FHIT: variants seen among roughly 807,000 people sequenced by gnomAD.
The protein encoded by FHIT is bis(5'-adenosyl)-triphosphatase.
FHIT carries 19 observed loss-of-function variants against 17.9 expected under a neutral mutation model. The observed-to-expected ratio is 1.06, with a 90% CI of 0.74 to 1.56. FHIT has a LOEUF of 1.56. FHIT is among the 40% of genes most tolerant of loss of function. The probability of loss-of-function intolerance (pLI) is 0.00; values close to 1 mark genes in which losing one functional copy is unlikely to be tolerated. For missense variants in FHIT, 248 were observed against 189.2 expected, an observed-to-expected ratio of 1.31 and a Z score of -1.82; for synonymous variants, 81 against 69.7, an observed-to-expected ratio of 1.16 and a Z score of -0.81.
chr3:60,523,811 G>A (rs2035468241), intron 5 of FHIT, among the ~76,000 whole-genome samples: 1 of 152,136 alleles, frequency 6.6e-6, no homozygotes, highest in Admixed American at 6.5e-5. Flanking sequence ...TATTTTTCAT[G>A]CTCAAACCAC....
At chr3:60,902,602 T>G (rs964014906) in intron 3 of FHIT, among the ~76,000 whole-genome samples, 1 of 152,196 alleles carries the variant, frequency 6.6e-6, no homozygotes, top group African/African-American at 2.4e-5. Flanking sequence ...GACAGAACTA[T>G]TGGTAAGAAG....
intron 4 of FHIT, among the ~76,000 whole-genome samples, chr3:60,613,473 G>A (rs544327260): frequency 5.9e-5 from 9 of 152,110 alleles, no homozygotes; most frequent in Non-Finnish European, 4.4e-5. Flanking sequence ...TCAGGGTTTA[G>A]CAAGTTAACA....
intron 7 of FHIT, among the ~76,000 whole-genome samples, chr3:59,986,761 TATATTTATATAA>T (rs1708975911): frequency 1.7e-5 from 1 of 59,188 alleles, no homozygotes; most frequent in African/African-American, 7.0e-5. Flanking sequence ...TATATATAAA[TATATTTATATAA>T]ATATATAAAT....
At chr3:60,018,803 C>G (rs541047818) in intron 5 of FHIT, among the ~76,000 whole-genome samples, 4 of 150,472 alleles carry the variant, frequency 2.7e-5, no homozygotes, top group Non-Finnish European at 5.9e-5. Context: ...CGTGGTGAAA[C>G]CCCATCTCTA....
At chr3:60,519,793 C>G (rs182354190) in intron 5 of FHIT, among the ~76,000 whole-genome samples, 97 of 152,126 alleles carry the variant, frequency 6.4e-4, no homozygotes, top group Admixed American at 1.5e-3. Flanking sequence ...CACTAGTGAC[C>G]CTTCATGTTA....
intron 3 of FHIT, among the ~76,000 whole-genome samples, chr3:61,008,410 G>A (rs564208003): frequency 1.3e-5 from 2 of 152,304 alleles, no homozygotes; most frequent in South Asian, 4.1e-4. Context: ...CTTCTTGGCA[G>A]GTGTCAGGCA....
chr3:60,862,754 A>C (rs186136813), intron 3 of FHIT, among the ~76,000 whole-genome samples: 21 of 151,940 alleles, frequency 1.4e-4, no homozygotes, highest in Admixed American at 2.0e-4. Context: ...TGGGAGGCTA[A>C]GGCAGCAGAA....
At chr3:60,256,021 G>A (rs1175941690) in intron 5 of FHIT, among the ~76,000 whole-genome samples, 1 of 152,112 alleles carries the variant, frequency 6.6e-6, no homozygotes. Flanking sequence ...GTATTATGGT[G>A]AAACCTGGAA....
intron 3 of FHIT, among the ~76,000 whole-genome samples, chr3:60,852,993 A>C (rs1703215071): frequency 6.6e-6 from 1 of 152,140 alleles, no homozygotes; most frequent in African/African-American, 2.4e-5. Flanking sequence ...TTATTTCATT[A>C]ATTTAATTGG....
At chr3:60,401,668 T>A (rs926549769) in intron 5 of FHIT, among the ~76,000 whole-genome samples, 4 of 152,144 alleles carry the variant, frequency 2.6e-5, no homozygotes, top group African/African-American at 7.2e-5. Flanking sequence ...TTATAAGTAA[T>A]CCCATTACTA....
At chr3:60,260,208 G>A (rs1468986257) in intron 5 of FHIT, among the ~76,000 whole-genome samples, 2 of 152,032 alleles carry the variant, frequency 1.3e-5, no homozygotes, top group Non-Finnish European at 2.9e-5. Context: ...GGGCCGTAGA[G>A]GGTGTAGGAG....
At chr3:59,935,537 G>C (rs1045680643) in intron 7 of FHIT, among the ~76,000 whole-genome samples, 4 of 152,060 alleles carry the variant, frequency 2.6e-5, no homozygotes, top group African/African-American at 9.7e-5. Flanking sequence ...GGAACTCTGG[G>C]CTATTTATTA....
At position 60,019,415 on chromosome 3, in the gene FHIT, C is replaced by CTTTTTTTTTTTTTT. The variant is rs1281567026; in HGVS notation, c.104-5277_104-5264dup. ...ATGGCATTTTAGAGTTGAGATGCTC[C>CTTTTTTTTTTTTTT]TTTTTTTTTTTTTTTTTCCTGAGAT... On this transcript the variant is annotated intron_variant, in intron 5 of 9. Transcript: ENST00000492590. 1.1e-3 allele frequency among the ~76,000 whole-genome samples: 137 copies of CTTTTTTTTTTTTTT among 121,062 alleles called. 7 individuals carry two copies. Among genetic ancestry groups the CTTTTTTTTTTTTTT allele is most frequent in the Middle Eastern group, 4.5e-3 (1 of 220 alleles). The allele number at this position is 121,062 out of a possible 152,430, so 79.4% of individuals were successfully genotyped here.
rs79886037 is a variant in FHIT at position 60,332,647 on chromosome 3, C to G, written c.103+204213G>C. ...GATTTTCCCTCTTAATGCTATTATT[C>G]TGTCCCTAGATGTGAAAAGGCAACT... On this transcript the variant is annotated intron_variant, in intron 5 of 9. Transcript: ENST00000492590. Among the ~76,000 whole-genome samples, 553 of 152,240 alleles carry G rather than the reference C, an allele frequency of 3.6e-3. 4 individuals are homozygous for G. The highest frequency in any genetic ancestry group is 0.013 in the African/African-American group (530 of 41,536).
intron 8 of FHIT, among the ~76,000 whole-genome samples, chr3:59,862,249 T>G (rs901448766): frequency 6.6e-6 from 1 of 152,202 alleles, no homozygotes; most frequent in Non-Finnish European, 1.5e-5. Context: ...CAAGAGGCCA[T>G]GCGCAGGGGA....
chr3:61,189,305 C>A (rs895072249), intron 2 of FHIT, among the ~76,000 whole-genome samples: 2 of 152,006 alleles, frequency 1.3e-5, no homozygotes, highest in African/African-American at 4.8e-5. Flanking sequence ...AAACAGAGAG[C>A]CAAATCATGA....
intron 8 of FHIT, among the ~76,000 whole-genome samples, chr3:59,920,235 T>C (rs2367106): frequency 0.088 from 13,406 of 152,270 alleles, 873 homozygotes; most frequent in East Asian, 0.33. Context: ...TAGATGCCAC[T>C]GGGATTTGAA....
At chr3:60,921,206 C>T (rs896718933) in intron 3 of FHIT, among the ~76,000 whole-genome samples, 1 of 152,126 alleles carries the variant, frequency 6.6e-6, no homozygotes, top group South Asian at 2.1e-4. Flanking sequence ...AAACATTTTT[C>T]GGTATGGCTG....
chr3:59,797,179 T>G (rs933752535), intron 8 of FHIT, among the ~76,000 whole-genome samples: 1 of 150,958 alleles, frequency 6.6e-6, no homozygotes, highest in African/African-American at 2.5e-5. Flanking sequence ...AGTATTATTT[T>G]GATATTACAA....
Sources: allele counts gnomAD v4.1 joint callset (sites outside exome capture counted in the v4.1 genomes callset), GRCh38; gene constraint gnomAD v4.1.1; transcripts MANE v1.5; gene names NCBI Gene and HGNC (gene_info 2026-07-23, HGNC 2026-07-21).